Variants in JAK2 observed in about 807,000 individuals in gnomAD.
JAK2 encodes Janus kinase 2, also known as tyrosine-protein kinase JAK2.
JAK2 carries 86 observed loss-of-function variants against 139.3 expected under a neutral mutation model. The ratio of observed to expected loss-of-function variants is 0.62; its 90% CI spans 0.52 to 0.74. The LOEUF (loss-of-function observed/expected upper bound fraction) is 0.74, where lower values mean the gene tolerates loss of function less well. Among genes scored for constraint, JAK2 ranks in the 30% least tolerant of loss-of-function variants. JAK2 has a pLI of 0.00. For missense variants in JAK2, 1,421 were observed against 1,360.3 expected (o/e 1.04, Z -0.70); for synonymous variants, 490 against 437.7 (o/e 1.12, Z -1.49).
Position 5,126,383 on chromosome 9 carries a change from C to A in JAK2, c.3228C>A (p.Phe1076Leu), listed in dbSNP as rs1403308993. 8 of 1,610,652 alleles carry A rather than the reference C, an allele frequency of 5.0e-6. No homozygotes were observed. The highest frequency in any genetic ancestry group is 6.8e-6 in the Non-Finnish European group (8 of 1,177,902). The change falls in exon 24 of 25, where the codon TTC becomes TTA. Residue 1076 changes from phenylalanine to leucine, a missense_variant. By Grantham distance (22) the Phe-to-Leu change is conservative. Coordinates refer to ENST00000381652, the MANE Select transcript of JAK2 (RefSeq NM_004972.4). ...ACAAACAAGGACAGATGATCGTGTT[C>A]CATTTGATAGAACTTTTGAAGAATA... ...GNDKQGQMIV[F>L]HLIELLKNNG...
At chr9:5,114,840 T>C in intron 22 of JAK2, 1 of 249,352 alleles carries the variant, frequency 4.0e-6, no homozygotes, top group Non-Finnish European at 7.9e-6. Context: ...TAGGGCTCTG[T>C]CCAGCTGTGT....
chr9:5,000,847 C>G (rs1429901350), intron 2 of JAK2, among the ~76,000 whole-genome samples: 1 of 152,132 alleles, frequency 6.6e-6, no homozygotes, highest in African/African-American at 2.4e-5. Flanking sequence ...CAGGTAAGAA[C>G]TTGATAACGT....
chr9:5,023,596 G>A (rs941830952), intron 3 of JAK2, among the ~76,000 whole-genome samples: 9 of 152,178 alleles, frequency 5.9e-5, no homozygotes, highest in African/African-American at 2.2e-4. Flanking sequence ...GGACCATTGG[G>A]CATCTCTAAC....
intron 4 of JAK2, among the ~76,000 whole-genome samples, chr9:5,042,393 T>G (rs966287820): frequency 3.3e-5 from 5 of 151,980 alleles, no homozygotes; most frequent in African/African-American, 1.2e-4. Context: ...CGCCTCGGCC[T>G]CCCAAAGTGC....
At chr9:5,082,493 A>G (rs1022761611) in intron 19 of JAK2, among the ~76,000 whole-genome samples, 8 of 152,214 alleles carry the variant, frequency 5.3e-5, no homozygotes, top group African/African-American at 1.9e-4. Context: ...CAAATGTATA[A>G]TTGGGTTTTA....
At chr9:5,038,307 A>G (rs923810061) in intron 4 of JAK2, among the ~76,000 whole-genome samples, 12 of 152,304 alleles carry the variant, frequency 7.9e-5, no homozygotes, top group Admixed American at 5.2e-4. Flanking sequence ...AGCAATTTTT[A>G]TAAAAGCCCA....
rs1824146736 is a variant in JAK2, at chr9:5,128,481, T to C, written c.*1690T>C. Among the ~76,000 whole-genome samples, 1 of 151,882 alleles carries C rather than the reference T, an allele frequency of 6.6e-6. No homozygotes were observed. Among genetic ancestry groups the C allele is most frequent in the Non-Finnish European group, 1.5e-5 (1 of 67,776 alleles). ...ACTACCTTTCAAGTGAAAAATAGCCTATCATACAATATGCTTGATTTCAGA... is the reference window on the plus strand; with the variant it reads ...ACTACCTTTCAAGTGAAAAATAGCCCATCATACAATATGCTTGATTTCAGA... On this transcript the variant is annotated 3_prime_UTR_variant, in exon 25 of 25. Transcript: ENST00000381652.
intron 22 of JAK2, chr9:5,111,362 CT>C (rs1822511694): frequency 2.5e-6 from 1 of 407,202 alleles, no homozygotes; most frequent in South Asian, 2.0e-5. Flanking sequence ...GGTACTACCC[CT>C]CCTACGCCAG....
At chr9:5,052,535 T>C (rs1340097626) in intron 6 of JAK2, among the ~76,000 whole-genome samples, 1 of 152,146 alleles carries the variant, frequency 6.6e-6, no homozygotes, top group African/African-American at 2.4e-5. Flanking sequence ...AAATATACAA[T>C]TTAATATTTT....
chr9:4,995,651 T>C (rs940508561), intron 2 of JAK2, among the ~76,000 whole-genome samples: 3 of 152,214 alleles, frequency 2.0e-5, no homozygotes, highest in African/African-American at 7.2e-5. Flanking sequence ...CATTTCTATT[T>C]ATTTGTTTCC....
intron 19 of JAK2, among the ~76,000 whole-genome samples, chr9:5,082,380 C>G (rs1319413293): frequency 6.6e-6 from 1 of 152,238 alleles, no homozygotes; most frequent in African/African-American, 2.4e-5. Flanking sequence ...ATGCTTCTCT[C>G]CACCCAAACA....
chr9:5,034,345 TAAC>T (rs1471862710), intron 4 of JAK2, among the ~76,000 whole-genome samples: 8 of 152,180 alleles, frequency 5.3e-5, no homozygotes, highest in African/African-American at 1.9e-4. Context: ...GACAGAAAGT[TAAC>T]AAGGATATCC....
rs139984013 is a variant in JAK2 at position 5,075,370 on chromosome 9, C to G, written c.1864+1585C>G. ...ACTTCCACAGCTAGAGAGGAGAAGT[C>G]AGTGCTTGCCTTCAAAGCTTCGAAG... On this transcript the variant is annotated intron_variant, in intron 14 of 24. Transcript: ENST00000381652. 3.6e-3 allele frequency among the ~76,000 whole-genome samples: 552 copies of G among 152,294 alleles called. 3 individuals carry two copies. The highest frequency in any genetic ancestry group is 5.8e-3 in the Non-Finnish European group (393 of 68,004).
At position 5,129,230 on chromosome 9, in the gene JAK2, T is replaced by C. The variant is rs1416120532; in HGVS notation, c.*2439T>C. Reference sequence around the variant, plus strand: ...CATTATGTGCTCACTTTATTGAGCCTATGTTAATTTCTTTAGCATGCTCCC... The same window carrying C: ...CATTATGTGCTCACTTTATTGAGCCCATGTTAATTTCTTTAGCATGCTCCC... On this transcript the variant is annotated 3_prime_UTR_variant, in exon 25 of 25. Transcript: ENST00000381652. Among the ~76,000 whole-genome samples, 1 of 152,120 alleles carries C rather than the reference T, an allele frequency of 6.6e-6. No individual in the cohort carries two copies.
At chr9:5,064,360 T>C (rs1818416763) in intron 8 of JAK2, among the ~76,000 whole-genome samples, 1 of 152,138 alleles carries the variant, frequency 6.6e-6, no homozygotes. Flanking sequence ...CGAGAACCTG[T>C]CTTTACTAAA....
intron 22 of JAK2, chr9:5,111,025 T>C (rs990226078): frequency 6.0e-6 from 5 of 834,080 alleles, no homozygotes; most frequent in Non-Finnish European, 9.6e-6. Context: ...CCGGCCCGCC[T>C]CCCTGGCCGG....
intron 4 of JAK2, among the ~76,000 whole-genome samples, chr9:5,033,105 GC>G (rs1444048687): frequency 6.6e-6 from 1 of 152,216 alleles, no homozygotes; most frequent in African/African-American, 2.4e-5. Context: ...GAATGCACAA[GC>G]CTCAGTAGCC....
chr9:4,990,177 T>C lies in JAK2; in HGVS notation c.-26+4155T>C, dbSNP rs1266751432. 4.6e-5 allele frequency among the ~76,000 whole-genome samples: 7 copies of C among 152,226 alleles called. No individual in the cohort carries two copies. The East Asian group carries it at 1.3e-3, about 29-fold the overall frequency. ...AGAGTGATTAAAGATTACCTTACCT[T>C]GAAGGTTTGCTTTTCAGTGACGGAG... On this transcript the variant is annotated intron_variant, in intron 2 of 24. Coordinates refer to ENST00000381652, the MANE Select transcript of JAK2 (RefSeq NM_004972.4).
At chr9:5,121,588 A>G (rs1344677935) in intron 22 of JAK2, among the ~76,000 whole-genome samples, 1 of 152,166 alleles carries the variant, frequency 6.6e-6, no homozygotes, top group Admixed American at 6.5e-5. Flanking sequence ...CCCAAGAGAT[A>G]GTTACACGTT....
Sources: gnomAD v4.1 joint callset for allele counts (sites outside exome capture counted in the v4.1 genomes callset) on GRCh38, gnomAD v4.1.1 for gene constraint, MANE v1.5 for transcripts, NCBI Gene and HGNC (gene_info 2026-07-23, HGNC 2026-07-21) for gene names.